TAFA1: variants seen among roughly 807,000 people sequenced by gnomAD.
TAFA1 encodes the protein chemokine-like protein TAFA-1.
TAFA1 carries 4 observed loss-of-function variants against 18.5 expected under a neutral mutation model. The ratio of observed to expected loss-of-function variants is 0.22; its 90% CI spans 0.11 to 0.49. The LOEUF is 0.49. Ranked by LOEUF, TAFA1 falls within the 20% of genes least tolerant of loss-of-function variation. The pLI is 0.98. For missense variants in TAFA1, 147 were observed against 169.0 expected (o/e 0.87, Z 0.72); for synonymous variants, 56 against 55.2 (o/e 1.01, Z -0.06).
intron 2 of TAFA1, among the ~76,000 whole-genome samples, chr3:68,337,278 A>G (rs1446678842): frequency 6.6e-6 from 1 of 152,136 alleles, no homozygotes; most frequent in Non-Finnish European, 1.5e-5. Flanking sequence ...TGGCTGGAGC[A>G]GGAGGAAGAG....
chr3:68,531,051 A>AAACAT (rs2073182002), intron 3 of TAFA1, among the ~76,000 whole-genome samples: 1 of 151,858 alleles, frequency 6.6e-6, no homozygotes, highest in African/African-American at 2.4e-5. Context: ...AAACAAAACA[A>AAACAT]AACATGGATT....
At chr3:68,506,668 T>C (rs551796668) in intron 3 of TAFA1, among the ~76,000 whole-genome samples, 8 of 152,142 alleles carry the variant, frequency 5.3e-5, no homozygotes, top group Non-Finnish European at 1.2e-4. Flanking sequence ...AAATAGCTGC[T>C]CTAGCATTGA....
At chr3:68,482,575 C>T (rs2072257965) in intron 3 of TAFA1, among the ~76,000 whole-genome samples, 1 of 152,178 alleles carries the variant, frequency 6.6e-6, no homozygotes, top group African/African-American at 2.4e-5. Flanking sequence ...TAGCAGGTAT[C>T]CATGAGTTTT....
chr3:68,276,806 A>G (rs1215160469), intron 2 of TAFA1, among the ~76,000 whole-genome samples: 3 of 152,058 alleles, frequency 2.0e-5, no homozygotes, highest in African/African-American at 7.2e-5. Context: ...TTGTGGAGGG[A>G]GGGAGGAGGA....
At chr3:68,079,255 A>G (rs2064866328) in intron 2 of TAFA1, among the ~76,000 whole-genome samples, 1 of 152,148 alleles carries the variant, frequency 6.6e-6, no homozygotes, top group African/African-American at 2.4e-5. Context: ...GATCCTTTCA[A>G]AAAACCAGCT....
chr3:68,145,483 A>G (rs2065727645), intron 2 of TAFA1: 9 of 905,290 alleles, frequency 9.9e-6, no homozygotes, highest in Non-Finnish European at 1.7e-5. Context: ...CCACCACAAG[A>G]ATGGTTCTGC....
chr3:68,331,023 T>C (rs542335505), intron 2 of TAFA1, among the ~76,000 whole-genome samples: 1 of 149,724 alleles, frequency 6.7e-6, no homozygotes, highest in South Asian at 2.2e-4. Context: ...AGCTAAAAGG[T>C]GAAACAAAAA....
chr3:68,185,110 C>A (rs1010931965), intron 2 of TAFA1, among the ~76,000 whole-genome samples: 2 of 152,088 alleles, frequency 1.3e-5, no homozygotes, highest in Non-Finnish European at 2.9e-5. Context: ...GACATCTGAG[C>A]AAGCACTAAG....
chr3:68,436,125 A>G (rs1423770584), intron 3 of TAFA1, among the ~76,000 whole-genome samples: 1 of 151,934 alleles, frequency 6.6e-6, no homozygotes, highest in Non-Finnish European at 1.5e-5. Flanking sequence ...TCTTGCTGAA[A>G]ACAAAATTAT....
intron 2 of TAFA1, among the ~76,000 whole-genome samples, chr3:68,104,949 G>A (rs937618056): frequency 1.3e-5 from 2 of 152,132 alleles, no homozygotes; most frequent in African/African-American, 4.8e-5. Context: ...TCACGGTTCT[G>A]CAGGCTGTAC....
chr3:68,082,662 T>C (rs1468317320), intron 2 of TAFA1, among the ~76,000 whole-genome samples: 1 of 152,110 alleles, frequency 6.6e-6, no homozygotes, highest in Non-Finnish European at 1.5e-5. Flanking sequence ...ATGATAACGA[T>C]GATGATGATG....
chr3:68,139,317 G>A (rs887776794), intron 2 of TAFA1, among the ~76,000 whole-genome samples: 3 of 152,162 alleles, frequency 2.0e-5, no homozygotes, highest in Admixed American at 6.6e-5. Flanking sequence ...AATAGGTTCC[G>A]TAGAGTGAAC....
chr3:67,994,285 C>T, the TAFA1 span, among the ~76,000 whole-genome samples: 1 of 152,174 alleles, frequency 6.6e-6, no homozygotes, highest in Non-Finnish European at 1.5e-5. Flanking sequence ...AGTGAGCTGG[C>T]AATGAGGACA....
At chr3:68,478,041 A>G (rs2072138212) in intron 3 of TAFA1, among the ~76,000 whole-genome samples, 1 of 152,178 alleles carries the variant, frequency 6.6e-6, no homozygotes, top group Non-Finnish European at 1.5e-5. Context: ...GTTTTAAATC[A>G]TGGGGTGAAA....
intron 3 of TAFA1, among the ~76,000 whole-genome samples, chr3:68,437,672 A>G (rs918198342): frequency 2.0e-5 from 3 of 152,110 alleles, no homozygotes; most frequent in African/African-American, 7.2e-5. Flanking sequence ...AAATGAATTC[A>G]TTGATAAGGG....
intron 2 of TAFA1, among the ~76,000 whole-genome samples, chr3:68,238,028 G>C (rs2107130226): frequency 6.6e-6 from 1 of 152,014 alleles, no homozygotes. Context: ...CGAAGGCCAG[G>C]GTAGCTGAAG....
At chr3:68,328,170 T>G (rs551778070) in intron 2 of TAFA1, among the ~76,000 whole-genome samples, 1 of 152,286 alleles carries the variant, frequency 6.6e-6, no homozygotes, top group South Asian at 2.1e-4. Context: ...GCCTCATATT[T>G]TATATTTTCT....
intron 3 of TAFA1, among the ~76,000 whole-genome samples, chr3:68,427,681 A>T (rs2071083548): frequency 6.6e-6 from 1 of 151,898 alleles, no homozygotes; most frequent in Non-Finnish European, 1.5e-5. Context: ...TCAAACAACA[A>T]GATATGAATT....
intron 2 of TAFA1, among the ~76,000 whole-genome samples, chr3:68,252,892 A>G (rs1163893136): frequency 6.6e-6 from 1 of 152,102 alleles, no homozygotes; most frequent in Non-Finnish European, 1.5e-5. Context: ...TGCTGTTCTC[A>G]TGATAGTGAA....
Sources: allele counts gnomAD v4.1 joint callset (sites outside exome capture counted in the v4.1 genomes callset), GRCh38; gene constraint gnomAD v4.1.1; transcripts MANE v1.5; gene names NCBI Gene and HGNC (gene_info 2026-07-23, HGNC 2026-07-21).